The following MYO5B variants were observed in gnomAD, a reference collection of about 807,000 sequenced individuals.
MYO5B encodes myosin VB.
A neutral mutation model predicts 229.3 loss-of-function variants in MYO5B; 143 were observed. That is an observed-to-expected ratio of 0.62 (90% CI 0.54 to 0.72). The LOEUF (loss-of-function observed/expected upper bound fraction) is 0.72. Ranked by LOEUF, MYO5B falls within the 30% of genes least tolerant of loss-of-function variation. The pLI is 0.00. For synonymous variants in MYO5B, 918 were observed against 885.2 expected (o/e 1.04, Z -0.66); for missense variants, 2,321 against 2,331.0 (o/e 1.00, Z 0.09).
rs554465381 is a variant in MYO5B, at chr18:50,138,076, T to C, written c.27+56691A>G. Among the ~76,000 whole-genome samples, 10 of 152,200 alleles carry C rather than the reference T, an allele frequency of 6.6e-5. No individual in the cohort carries two copies. In the South Asian group the frequency reaches 2.1e-3, roughly 32 times the overall value. On this transcript the variant is annotated intron_variant, in intron 1 of 39. Transcript: ENST00000285039. ...TGAAATAATTTGTACAATAAACCCC[T>C]GTGACACAAGTTTACCTTCACATTT...
chr18:49,892,375 G>A (rs993889158), intron 22 of MYO5B, among the ~76,000 whole-genome samples: 3 of 152,218 alleles, frequency 2.0e-5, no homozygotes, highest in Non-Finnish European at 2.9e-5. Context: ...GCCTCCCACA[G>A]GCCAAGGCAG....
intron 12 of MYO5B, among the ~76,000 whole-genome samples, chr18:49,957,075 A>G (rs1042680931): frequency 6.7e-6 from 1 of 149,410 alleles, no homozygotes; most frequent in East Asian, 2.0e-4. Context: ...TATGTCAATT[A>G]TATCTCATTA....
chr18:49,861,397 C>T lies in MYO5B; in HGVS notation c.3944+1830G>A, dbSNP rs373977946. 8.5e-5 allele frequency among the ~76,000 whole-genome samples: 13 copies of T among 152,264 alleles called. No homozygotes were observed. In the South Asian group the frequency reaches 1.7e-3, roughly 19 times the overall value. On this transcript the variant is annotated intron_variant, in intron 29 of 39. Transcript: ENST00000285039. Reference sequence around the variant, plus strand: ...CTGAAGATCGGGGAGATACGCACACCGCTTGTCAGACCAAGCACACAGCTG... The same window carrying T: ...CTGAAGATCGGGGAGATACGCACACTGCTTGTCAGACCAAGCACACAGCTG...
rs559420883 is a variant in MYO5B, at chr18:50,172,156, C to A, written c.27+22611G>T. 5.9e-5 allele frequency among the ~76,000 whole-genome samples: 9 copies of A among 152,154 alleles called. No homozygotes were observed. The South Asian group carries it at 1.7e-3, about 28-fold the overall frequency. ...ATTAGCCAGGCATGGTGGCACACAACTGTAGTCCCAACTACTTGGGAGGCT... is the reference window on the plus strand; with the variant it reads ...ATTAGCCAGGCATGGTGGCACACAAATGTAGTCCCAACTACTTGGGAGGCT... On this transcript the variant is annotated intron_variant, in intron 1 of 39. Transcript: ENST00000285039.
At chr18:49,842,529 C>T (rs533727595) in intron 34 of MYO5B, among the ~76,000 whole-genome samples, 5 of 152,326 alleles carry the variant, frequency 3.3e-5, no homozygotes, top group South Asian at 4.1e-4. Flanking sequence ...CAATAATACT[C>T]GGGGCACAGG....
At chr18:50,055,224 T>TC in intron 2 of MYO5B, 44 bp downstream of exon 2, 1 of 658,278 alleles carries the variant, frequency 1.5e-6, no homozygotes, top group Non-Finnish European at 2.9e-6. Context: ...CTGAGCTCCC[T>TC]GCCCCACCTC....
chr18:50,143,111 T>C (rs1016551776), intron 1 of MYO5B, among the ~76,000 whole-genome samples: 1 of 152,224 alleles, frequency 6.6e-6, no homozygotes, highest in Non-Finnish European at 1.5e-5. Context: ...CTATTAAGCT[T>C]TATCTTCCTC....
intron 4 of MYO5B, among the ~76,000 whole-genome samples, chr18:50,017,286 A>AT (rs34954831): frequency 0.02 from 2,921 of 149,458 alleles, 72 homozygotes; most frequent in African/African-American, 0.052. Context: ...GTCTGGCTAA[A>AT]TTTTTTTTTT....
At chr18:49,872,142 G>A (rs925657846) in intron 27 of MYO5B, 25 bp downstream of exon 27, 26 of 1,611,844 alleles carry the variant, frequency 1.6e-5, no homozygotes, top group Non-Finnish European at 2.1e-5. Flanking sequence ...AGTGTTCCAG[G>A]AAGCCTGTCC....
chr18:49,881,243 G>A (rs941246985), intron 22 of MYO5B, among the ~76,000 whole-genome samples: 5 of 152,056 alleles, frequency 3.3e-5, no homozygotes, highest in Non-Finnish European at 7.4e-5. Flanking sequence ...TCTCAAACCT[G>A]GTCTTAGGAA....
In MYO5B at chr18:49,825,375, C is replaced by A. The variant is rs776945420; in HGVS notation, c.*1096G>T. On this transcript the variant is annotated 3_prime_UTR_variant, in exon 40 of 40. Coordinates refer to ENST00000285039, the MANE Select transcript of MYO5B (RefSeq NM_001080467.3). The stretch of plus-strand genomic sequence containing the variant: ...TAAATTTGAAAAACGTTGAAAATAA[C>A]CTGAAAAGGGAAAGTTGACCTAAGC... 3 of 151,352 alleles carry A rather than the reference C, an allele frequency of 2.0e-5. No homozygotes were observed. The highest frequency in any genetic ancestry group is 4.4e-5 in the Non-Finnish European group (3 of 67,906). The allele number at this position is 151,352 out of a possible 1,614,324, so 9.4% of individuals were successfully genotyped here.
chr18:50,008,533 G>C lies in MYO5B; in HGVS notation c.456-7122C>G, dbSNP rs1270514533. Among the ~76,000 whole-genome samples the C allele has an allele frequency of 4.6e-5, 7 of 152,144 alleles. No individual in the cohort carries two copies. The East Asian group carries it at 1.3e-3, about 29-fold the overall frequency. On this transcript the variant is annotated intron_variant, in intron 4 of 39. Coordinates refer to ENST00000285039, the MANE Select transcript of MYO5B (RefSeq NM_001080467.3). ...CTTCCATGATTCACCCACAGGAAGG[G>C]GACTGACTTGTGTGTGTGGGGAATG... is the stretch of plus-strand genomic sequence containing the variant.
intron 1 of MYO5B, among the ~76,000 whole-genome samples, chr18:50,094,903 C>T (rs2031520503): frequency 6.6e-6 from 1 of 152,206 alleles, no homozygotes; most frequent in Admixed American, 6.5e-5. Context: ...TCTTAGCTCA[C>T]TGCAACCTCC....
chr18:49,879,509 A>C (rs1168916634), intron 23 of MYO5B: 1 of 246,668 alleles, frequency 4.1e-6, no homozygotes, highest in African/African-American at 2.2e-5. Flanking sequence ...AAAGGAAAGA[A>C]GGCAAATAGA....
chr18:50,105,153 C>T (rs1050920507), intron 1 of MYO5B, among the ~76,000 whole-genome samples: 29 of 150,732 alleles, frequency 1.9e-4, no homozygotes, highest in African/African-American at 5.9e-4. Flanking sequence ...GAAAAAAGAC[C>T]GGGACCAGTC....
At position 49,847,143 on chromosome 18, in the gene MYO5B, T is replaced by C. The variant is rs1334576533; in HGVS notation, c.4459+3A>G. ...AGCATAGGGTGGCACAGAGGGTCCT[T>C]ACCTGTCACCAGGTTCCGGATGAGG... On this transcript the variant is annotated splice_donor_region_variant and intron_variant, in intron 33 of 39. Transcript: ENST00000285039. The C allele has an allele frequency of 1.9e-6, 3 of 1,614,072 alleles. No individual in the cohort carries two copies. The South Asian group carries it at 3.3e-5, about 18-fold the overall frequency.
chr18:50,115,543 G>GAC (rs2031944498), intron 1 of MYO5B, among the ~76,000 whole-genome samples: 1 of 60,168 alleles, frequency 1.7e-5, no homozygotes, highest in African/African-American at 5.1e-5. Context: ...CACACACACA[G>GAC]AGAGACACAC....
chr18:49,973,771 G>C (rs994560310), intron 10 of MYO5B, among the ~76,000 whole-genome samples: 19 of 152,066 alleles, frequency 1.2e-4, no homozygotes, highest in African/African-American at 4.1e-4. Flanking sequence ...ACCACACCAC[G>C]GTGGCTCTCC....
intron 1 of MYO5B, among the ~76,000 whole-genome samples, chr18:50,106,995 AC>A (rs1474060183): frequency 2.6e-5 from 4 of 152,014 alleles, no homozygotes; most frequent in Non-Finnish European, 5.9e-5. Context: ...CTTGGCCTAA[AC>A]AGCCAGACAA....
Sources: gnomAD v4.1 joint callset for allele counts (sites outside exome capture counted in the v4.1 genomes callset) on GRCh38, gnomAD v4.1.1 for gene constraint, MANE v1.5 for transcripts, NCBI Gene and HGNC (gene_info 2026-07-23, HGNC 2026-07-21) for gene names.